COL5A1: variants seen among roughly 807,000 people sequenced by gnomAD.
COL5A1 encodes collagen type V alpha 1 chain, also known as collagen alpha-1(V) chain.
COL5A1 carries 16 observed loss-of-function variants against 263.7 expected under a neutral mutation model. That is an observed-to-expected ratio of 0.06 (90% confidence interval 0.04 to 0.09). The LOEUF is 0.09. Among genes scored for constraint, COL5A1 ranks in the 10% least tolerant of loss-of-function variants. The pLI is 1.00. For missense variants in COL5A1, 2,036 were observed against 2,540.5 expected (o/e 0.80, Z 4.27); for synonymous variants, 1,012 against 1,004.5 (o/e 1.01, Z -0.14).
chr9:134,750,631 C>T lies in COL5A1; in HGVS notation c.1569+15C>T, dbSNP rs62574081. On this transcript the variant is annotated intron_variant, in intron 12 of 65. Transcript: ENST00000371817. ...TCATGCTGCCCGTGAGTACCCTTAT[C>T]AGTCGGAGGTGGGGAGGCAGCTGGG... 0.1 allele frequency: 161,964 copies of T among 1,612,458 alleles called. 9,320 individuals carry two copies. Among genetic ancestry groups the T allele is most frequent in the Non-Finnish European group, 0.12 (137,417 of 1,179,230 alleles).
intron 11 of COL5A1, among the ~76,000 whole-genome samples, chr9:134,744,432 C>G (rs969269843): frequency 2.0e-5 from 3 of 152,006 alleles, no homozygotes; most frequent in African/African-American, 7.3e-5. Context: ...CCCACACACG[C>G]ACACACTCAT....
chr9:134,827,503 T>C (rs2132894341), intron 63 of COL5A1, among the ~76,000 whole-genome samples: 1 of 152,368 alleles, frequency 6.6e-6, no homozygotes, highest in Middle Eastern at 3.4e-3. Flanking sequence ...GGAATTCCCT[T>C]AGAAAAGAGG....
At chr9:134,728,875 C>A in intron 6 of COL5A1, 68 bp downstream of exon 6, 1 of 1,596,856 alleles carries the variant, frequency 6.3e-7, no homozygotes. Flanking sequence ...GAGGGCGAGG[C>A]CAGGAGAGGT....
chr9:134,815,002 C>A, intron 50 of COL5A1, 98 bp downstream of exon 50: 2 of 848,888 alleles, frequency 2.4e-6, no homozygotes, highest in Non-Finnish European at 3.7e-6. Flanking sequence ...GCTCTGAGAA[C>A]AGCTTCAAGA....
At chr9:134,830,924 G>A (rs1839591698) in intron 64 of COL5A1, among the ~76,000 whole-genome samples, 1 of 152,220 alleles carries the variant, frequency 6.6e-6, no homozygotes. Flanking sequence ...GAAGAGCAGA[G>A]TTCTGTCTTT....
At chr9:134,723,867 T>C (rs1834552455) in intron 4 of COL5A1, among the ~76,000 whole-genome samples, 1 of 152,162 alleles carries the variant, frequency 6.6e-6, no homozygotes, top group African/African-American at 2.4e-5. Context: ...CCTGGAATGT[T>C]GGGTGGGCTT....
At chr9:134,826,843 A>G (rs1839297614) in intron 63 of COL5A1, among the ~76,000 whole-genome samples, 1 of 146,136 alleles carries the variant, frequency 6.8e-6, no homozygotes, top group Admixed American at 6.8e-5. Context: ...GGATGTGTAT[A>G]TGGTGTGTGG....
intron 4 of COL5A1, among the ~76,000 whole-genome samples, chr9:134,725,616 G>A (rs1342889603): frequency 6.6e-6 from 1 of 152,206 alleles, no homozygotes; most frequent in East Asian, 1.9e-4. Context: ...ATTGTGGTGA[G>A]AGAATAATGG....
chr9:134,773,107 G>C (rs1236469171), intron 26 of COL5A1, among the ~76,000 whole-genome samples: 1 of 152,250 alleles, frequency 6.6e-6, no homozygotes, highest in African/African-American at 2.4e-5. Flanking sequence ...ACCAGATGGG[G>C]TGTGGGCAGC....
intron 52 of COL5A1, 58 bp from the exon 53 acceptor site, chr9:134,816,968 C>A: frequency 6.6e-7 from 1 of 1,507,730 alleles, no homozygotes; most frequent in Non-Finnish European, 9.2e-7. Flanking sequence ...TGTGTTTTGC[C>A]TCAATTGAGT....
At chr9:134,744,558 T>C (rs1482045713) in intron 11 of COL5A1, among the ~76,000 whole-genome samples, 1 of 137,654 alleles carries the variant, frequency 7.3e-6, no homozygotes, top group African/African-American at 2.8e-5. Flanking sequence ...TGCACACACA[T>C]CCACATATAC....
chr9:134,816,000 A>G lies in COL5A1; in HGVS notation c.4122+12A>G. The G allele has an allele frequency of 6.2e-7, 1 of 1,613,884 alleles. No homozygotes were observed. The highest frequency in any genetic ancestry group is 1.6e-4 in the Middle Eastern group (1 of 6,062). On this transcript the variant is annotated intron_variant, in intron 52 of 65. Coordinates refer to ENST00000371817, the MANE Select transcript of COL5A1 (RefSeq NM_000093.5). Reference sequence around the variant, plus strand: ...AACCCGGGCAGACGGTGAGTCCACAATCTGGGCTGGCTTCCTGGTGGAGGT... The same window carrying G: ...AACCCGGGCAGACGGTGAGTCCACAGTCTGGGCTGGCTTCCTGGTGGAGGT...
At position 134,696,295 on chromosome 9, in the gene COL5A1, C is replaced by T. The variant is rs1233866706; in HGVS notation, c.278-3614C>T. ...TTCAAGCGATTCTCCTGCCTCAGCCCCCCGAGTAGTTGGGATTACAGGTGT... is the reference window on the plus strand; with the variant it reads ...TTCAAGCGATTCTCCTGCCTCAGCCTCCCGAGTAGTTGGGATTACAGGTGT... On this transcript the variant is annotated intron_variant, in intron 2 of 65. Coordinates refer to ENST00000371817, the MANE Select transcript of COL5A1 (RefSeq NM_000093.5). This position sits in a 1 kb window ranked among gnomAD's most constrained non-coding sequence, Gnocchi z 4.3. 1.3e-5 allele frequency among the ~76,000 whole-genome samples: 2 copies of T among 152,128 alleles called. No individual in the cohort carries two copies. Among genetic ancestry groups the T allele is most frequent in the South Asian group, 2.1e-4 (1 of 4,810 alleles).
At chr9:134,650,288 G>C (rs892666029) in intron 1 of COL5A1, among the ~76,000 whole-genome samples, 17 of 152,128 alleles carry the variant, frequency 1.1e-4, no homozygotes, top group African/African-American at 4.1e-4. Context: ...GAACACATGA[G>C]CATCGTAACC....
chr9:134,648,621 G>A (rs1403036366), intron 1 of COL5A1, among the ~76,000 whole-genome samples: 3 of 152,312 alleles, frequency 2.0e-5, no homozygotes, highest in South Asian at 4.1e-4. Flanking sequence ...ATAAAGCACA[G>A]AGTAAGACCC....
intron 4 of COL5A1, among the ~76,000 whole-genome samples, chr9:134,718,142 G>A (rs1458440272): frequency 6.6e-6 from 1 of 152,188 alleles, no homozygotes; most frequent in Non-Finnish European, 1.5e-5. Flanking sequence ...GCCTGGATAC[G>A]GTCTCATTAG....
At chr9:134,703,914 C>T (rs12005958) in intron 4 of COL5A1, among the ~76,000 whole-genome samples, 12,592 of 152,120 alleles carry the variant, frequency 0.083, 1,153 homozygotes, top group African/African-American at 0.22. Context: ...GCTGGGATTG[C>T]AGGCGTGAGC....
chr9:134,657,561 T>G (rs1033930131), intron 1 of COL5A1, among the ~76,000 whole-genome samples: 33 of 15,136 alleles, frequency 2.2e-3, no homozygotes, highest in Admixed American at 7.4e-3. Flanking sequence ...AATATGGGGG[T>G]GGTGTAGGGG....
In COL5A1 at chr9:134,842,333, A is replaced by G. The variant is rs1406823117; in HGVS notation, c.*30A>G. 6.2e-7 allele frequency: 1 copy of G among 1,613,086 alleles called. No homozygotes were observed. Among genetic ancestry groups the G allele is most frequent in the Admixed American group, 1.7e-5 (1 of 59,952 alleles). ...CGCCGAGCCCGGGCTCCCGAGAGCA[A>G]CCTCGTGACCTCAGCATGCCATTCG... On this transcript the variant is annotated 3_prime_UTR_variant, in exon 66 of 66. Transcript: ENST00000371817. The surrounding 1 kb of genome is among the most constrained non-coding windows in gnomAD (Gnocchi z 5.8).
Sources: gnomAD v4.1 joint callset for allele counts (sites outside exome capture counted in the v4.1 genomes callset) on GRCh38, gnomAD v4.1.1 for gene constraint, Gnocchi (gnomAD v3.1) non-coding constraint, MANE v1.5 for transcripts, NCBI Gene and HGNC (gene_info 2026-07-23, HGNC 2026-07-21) for gene names.